HYDIN: variants seen among roughly 807,000 people sequenced by gnomAD.
HYDIN encodes the protein HYDIN axonemal central pair apparatus protein, also known as axonemal central pair apparatus protein HYDIN.
A neutral mutation model predicts 403.9 loss-of-function variants in HYDIN; 132 were observed. The ratio of observed to expected loss-of-function variants is 0.33; its 90% confidence interval spans 0.28 to 0.38. HYDIN has a LOEUF of 0.38. Among genes scored for constraint, HYDIN ranks in the 10% least tolerant of loss-of-function variants. The probability of loss-of-function intolerance (pLI) is 1.00; values close to 1 mark genes in which losing one functional copy is unlikely to be tolerated. For synonymous variants in HYDIN, 1,202 were observed against 1,891.7 expected, an observed-to-expected ratio of 0.64 and a Z score of 9.46; for missense variants, 2,827 against 5,009.5, an observed-to-expected ratio of 0.56 and a Z score of 13.15.
In HYDIN at chr16:70,908,841, G is replaced by A. The variant is rs749468227; in HGVS notation, c.8025C>T (p.Ser2675=). ...TTTTCTGTTTGCCCCCCTTAGATGA[G>A]CTGGTCTGCTCCTCTTGAGCCTTAA... The part of the protein sequence containing the change: ...NTTKAQEEQT[S]SSKGGKQKMK... The change falls in exon 48 of 86, where the codon AGC becomes AGT. Residue 2675 remains serine (S), a synonymous_variant. Transcript: ENST00000393567. 6.2e-7 allele frequency: 1 copy of A among 1,613,994 alleles called. No homozygotes were observed. The highest frequency in any genetic ancestry group is 8.5e-7 in the Non-Finnish European group (1 of 1,180,030).
rs1770433 is a variant in HYDIN at position 70,837,661 on chromosome 16, C to T, written c.13242+29G>A. Reference sequence around the variant, plus strand: ...GAGAAGGGTAGAAAGGAGGGTGCCACGCCTGAAGGCCTCCCGACTGTCTGT... The same window carrying T: ...GAGAAGGGTAGAAAGGAGGGTGCCATGCCTGAAGGCCTCCCGACTGTCTGT... On this transcript the variant is annotated intron_variant, in intron 77 of 85. Transcript: ENST00000393567. The T allele has an allele frequency of 5.0e-3, 7,946 of 1,605,200 alleles. 72 individuals are homozygous for T. Among genetic ancestry groups the T allele is most frequent in the South Asian group, 0.022 (1,998 of 89,662 alleles).
chr16:70,879,782 T>A, intron 60 of HYDIN, 26 bp from the exon 61 acceptor site: 1 of 859,768 alleles, frequency 1.2e-6, no homozygotes, highest in Non-Finnish European at 1.8e-6. Flanking sequence ...GAGACCAGAG[T>A]GTGTCAGTGC....
intron 6 of HYDIN, among the ~76,000 whole-genome samples, chr16:71,156,732 T>C (rs2085783749): frequency 6.6e-6 from 1 of 151,646 alleles, no homozygotes; most frequent in South Asian, 2.1e-4. Context: ...ATAATATTAG[T>C]ATTTATTCTT....
chr16:70,921,340 C>T (rs1348908342), intron 45 of HYDIN, 123 bp from the exon 46 acceptor site: 1 of 881,434 alleles, frequency 1.1e-6, no homozygotes, highest in East Asian at 2.5e-5. Context: ...GGCACCTCCC[C>T]TGCACGCTAA....
chr16:71,215,499 TTGATGGG>T (rs1282324307), intron 1 of HYDIN, among the ~76,000 whole-genome samples: 1 of 152,046 alleles, frequency 6.6e-6, no homozygotes, highest in African/African-American at 2.4e-5. Flanking sequence ...GGGTGAAATC[TTGATGGG>T]GAACATTATA....
At chr16:71,171,880 A>G (rs1342747262) in intron 5 of HYDIN, among the ~76,000 whole-genome samples, 2 of 152,212 alleles carry the variant, frequency 1.3e-5, no homozygotes, top group African/African-American at 4.8e-5. Flanking sequence ...ATCTCACTCC[A>G]CAAATATTTA....
intron 62 of HYDIN, among the ~76,000 whole-genome samples, chr16:70,875,694 C>G (rs974883897): frequency 6.6e-5 from 10 of 152,068 alleles, no homozygotes; most frequent in African/African-American, 2.4e-4. Context: ...CATAAAAGAT[C>G]TAAATAAATG....
chr16:71,173,372 T>G (rs1328774990), intron 5 of HYDIN, among the ~76,000 whole-genome samples: 5 of 152,192 alleles, frequency 3.3e-5, no homozygotes, highest in Admixed American at 3.3e-4. Flanking sequence ...ATAAAAGAGC[T>G]GAGAGTAAGA....
At position 70,855,198 on chromosome 16, in the gene HYDIN, G is replaced by A. The variant is rs1428828453; in HGVS notation, c.12373C>T (p.Arg4125Cys). Residue 4125 changes from arginine to cysteine, a missense_variant, in exon 73 of 86, where the codon CGC becomes TGC. Coordinates refer to ENST00000393567, the MANE Select transcript of HYDIN (RefSeq NM_001270974.2). ...CTGTTGCTGAAACCTTCAGAATAGCGGGAGTTGTCCTGGAAGGAAAAATCG... is the reference window on the plus strand; with the variant it reads ...CTGTTGCTGAAACCTTCAGAATAGCAGGAGTTGTCCTGGAAGGAAAAATCG... ...GFDFSFQDNSRYSEGFSNSLL... is the reference protein window; with the variant it reads ...GFDFSFQDNSCYSEGFSNSLL... 29 of 1,520,518 alleles carry A rather than the reference G, an allele frequency of 1.9e-5. No homozygotes were observed. Among genetic ancestry groups the A allele is most frequent in the Non-Finnish European group, 2.4e-5 (27 of 1,117,018 alleles). The allele number at this position is 1,520,518 out of a possible 1,614,324, so 94.2% of individuals were successfully genotyped here. A position where few individuals can be genotyped will look rare whatever the true frequency, so the allele number is the denominator to read the frequency against.
chr16:71,151,015 A>T (rs2085517163), intron 7 of HYDIN, among the ~76,000 whole-genome samples: 1 of 152,212 alleles, frequency 6.6e-6, no homozygotes, highest in Admixed American at 6.5e-5. Flanking sequence ...CACCACTAGT[A>T]TGTCTAAAAT....
chr16:71,120,662 T>C (rs1432714553), intron 9 of HYDIN, among the ~76,000 whole-genome samples: 1 of 152,128 alleles, frequency 6.6e-6, no homozygotes, highest in Admixed American at 6.6e-5. Context: ...ATTGCCTTCC[T>C]TCCCCTCTAT....
chr16:71,096,514 T>C (rs533723946), intron 10 of HYDIN, among the ~76,000 whole-genome samples: 2 of 152,142 alleles, frequency 1.3e-5, no homozygotes, highest in Admixed American at 6.5e-5. Flanking sequence ...ATATTTTGTC[T>C]CTGCATGCTT....
At chr16:71,033,576 C>T (rs12149801) in intron 18 of HYDIN, among the ~76,000 whole-genome samples, 14,531 of 149,128 alleles carry the variant, frequency 0.097, 927 homozygotes, top group African/African-American at 0.18. Context: ...GGGAGCTGAA[C>T]AATGAGAACA....
chr16:71,057,761 C>T (rs1475815982), intron 18 of HYDIN, among the ~76,000 whole-genome samples: 1 of 149,028 alleles, frequency 6.7e-6, no homozygotes, highest in Non-Finnish European at 1.5e-5. Flanking sequence ...AAAAAAACAA[C>T]CCCATCAAAA....
At chr16:71,198,959 A>C (rs2087846102) in intron 1 of HYDIN, among the ~76,000 whole-genome samples, 1 of 152,234 alleles carries the variant, frequency 6.6e-6, no homozygotes, top group South Asian at 2.1e-4. Context: ...GCAGTATATG[A>C]GAGATCTGGT....
At chr16:71,083,564 G>C (rs896260078) in intron 12 of HYDIN, among the ~76,000 whole-genome samples, 1 of 134,906 alleles carries the variant, frequency 7.4e-6, no homozygotes, top group Admixed American at 7.5e-5. Context: ...CCAGTGTATG[G>C]GAGTTCTCAT....
intron 49 of HYDIN, 28 bp downstream of exon 49, chr16:70,908,224 C>T (rs746561402): frequency 1.9e-5 from 28 of 1,468,422 alleles, no homozygotes; most frequent in Non-Finnish European, 2.5e-5. Context: ...ATCTGTCAAC[C>T]TTTTCTTTTA....
Position 70,920,821 on chromosome 16 carries a change from C to T in HYDIN, c.7555G>A (p.Glu2519Lys), listed in dbSNP as rs770824736. The T allele has an allele frequency of 1.2e-5, 19 of 1,570,652 alleles. No individual in the cohort carries two copies. The highest frequency in any genetic ancestry group is 1.6e-5 in the Non-Finnish European group (19 of 1,156,958). The change falls in exon 46 of 86, where the codon GAG becomes AAG. Residue 2519 changes from glutamate to lysine, a missense_variant. Glu to Lys is a moderately conservative substitution (Grantham distance 56). Coordinates refer to ENST00000393567, the MANE Select transcript of HYDIN (RefSeq NM_001270974.2). ...KDRERERLEKERTEKERLERE... is the reference protein window; with the variant it reads ...KDRERERLEKKRTEKERLERE... Reference sequence around the variant, plus strand: ...TCCAGGCGCTCCTTCTCCGTGCGCTCCTTCTCCAGGCGCTCTCTCTCCCGG... The same window carrying T: ...TCCAGGCGCTCCTTCTCCGTGCGCTTCTTCTCCAGGCGCTCTCTCTCCCGG...
intron 81 of HYDIN, among the ~76,000 whole-genome samples, 183 bp downstream of exon 81, chr16:70,829,435 T>C (rs1279142744): frequency 2.0e-5 from 3 of 151,582 alleles, no homozygotes; most frequent in Admixed American, 2.0e-4. Flanking sequence ...GGTTTCACCT[T>C]GTTGGCCAGG....
Sources: allele counts gnomAD v4.1 joint callset (sites outside exome capture counted in the v4.1 genomes callset), GRCh38; gene constraint gnomAD v4.1.1; transcripts MANE v1.5; gene names NCBI Gene and HGNC (gene_info 2026-07-23, HGNC 2026-07-21).